ERBB4: variants seen among roughly 807,000 people sequenced by gnomAD.
ERBB4 encodes erb-b2 receptor tyrosine kinase 4.
In ERBB4, 42 loss-of-function variants were observed where a neutral mutation model predicts 158.0. The ratio of observed to expected loss-of-function variants is 0.27; its 90% CI spans 0.21 to 0.34. ERBB4 has a LOEUF of 0.34. Among genes scored for constraint, ERBB4 ranks in the 10% least tolerant of loss-of-function variants. ERBB4 has a pLI of 1.00. For missense variants in ERBB4, 1,333 were observed against 1,624.1 expected (o/e 0.82, Z 3.08); for synonymous variants, 583 against 558.7 (o/e 1.04, Z -0.61).
chr2:212,424,047 G>A (rs1019021480), intron 1 of ERBB4, among the ~76,000 whole-genome samples: 2 of 151,926 alleles, frequency 1.3e-5, no homozygotes, highest in Non-Finnish European at 1.5e-5. Context: ...CATAATCATT[G>A]GCAATAATGG....
chr2:211,992,034 C>T (rs565578172), intron 2 of ERBB4, among the ~76,000 whole-genome samples: 1 of 152,168 alleles, frequency 6.6e-6, no homozygotes, highest in Admixed American at 6.5e-5. Context: ...ATTTTCCTGT[C>T]GTCTTCTGAA....
At chr2:211,906,250 GCA>G (rs2079389764) in intron 3 of ERBB4, among the ~76,000 whole-genome samples, 2 of 152,012 alleles carry the variant, frequency 1.3e-5, no homozygotes, top group South Asian at 4.1e-4. Context: ...GTAGGATTCT[GCA>G]TATATTTAAT....
intron 1 of ERBB4, among the ~76,000 whole-genome samples, chr2:212,204,889 G>A (rs142242201): frequency 0.017 from 2,589 of 148,778 alleles, 39 homozygotes; most frequent in Non-Finnish European, 0.025. Context: ...CATGATCTCG[G>A]CTCACCACAA....
intron 1 of ERBB4, among the ~76,000 whole-genome samples, chr2:212,537,150 C>CGGCGGCGGCGGG (rs576146218): frequency 0.052 from 7,929 of 151,184 alleles, 427 homozygotes; most frequent in African/African-American, 0.13. Flanking sequence ...GCGGCGGCGG[C>CGGCGGCGGCGGG]GGCGGAGCGG....
intron 2 of ERBB4, among the ~76,000 whole-genome samples, chr2:212,036,353 A>T (rs2077011378): frequency 1.3e-5 from 2 of 152,204 alleles, no homozygotes; most frequent in African/African-American, 4.8e-5. Context: ...GAGAAAGTCA[A>T]GAGTACATTT....
At chr2:212,126,948 T>C (rs2079949925) in intron 1 of ERBB4, among the ~76,000 whole-genome samples, 2 of 152,298 alleles carry the variant, frequency 1.3e-5, no homozygotes, top group South Asian at 4.1e-4. Flanking sequence ...ATAGTGTATG[T>C]TTGTAACCAT....
intron 3 of ERBB4, among the ~76,000 whole-genome samples, chr2:211,857,681 GC>G (rs1422990262): frequency 6.6e-6 from 1 of 152,114 alleles, no homozygotes; most frequent in African/African-American, 2.4e-5. Context: ...TAAATTATTT[GC>G]CAAATTTGAA....
intron 2 of ERBB4, among the ~76,000 whole-genome samples, chr2:212,052,900 C>T (rs1664413761): frequency 6.6e-6 from 1 of 152,212 alleles, no homozygotes; most frequent in Admixed American, 6.5e-5. Context: ...TCCCATTTGA[C>T]ATCACCCGAA....
chr2:211,986,603 C>T (rs1454535171), intron 2 of ERBB4, among the ~76,000 whole-genome samples: 1 of 152,060 alleles, frequency 6.6e-6, no homozygotes, highest in Non-Finnish European at 1.5e-5. Context: ...GTTAGCATAG[C>T]CTATTGGTTC....
intron 4 of ERBB4, among the ~76,000 whole-genome samples, chr2:211,753,306 G>A (rs1277804238): frequency 6.6e-6 from 1 of 151,174 alleles, no homozygotes; most frequent in Non-Finnish European, 1.5e-5. Flanking sequence ...TTTCCTATAA[G>A]CATTCCCTCC....
chr2:212,265,320 G>A (rs755167266), intron 1 of ERBB4, among the ~76,000 whole-genome samples: 12 of 152,208 alleles, frequency 7.9e-5, no homozygotes, highest in Non-Finnish European at 1.5e-4. Flanking sequence ...TGTCTGAAAG[G>A]TCATAAAAGC....
chr2:212,316,112 T>C (rs529829922), intron 1 of ERBB4, among the ~76,000 whole-genome samples: 1 of 151,640 alleles, frequency 6.6e-6, no homozygotes, highest in Admixed American at 6.6e-5. Context: ...CAATTATCCC[T>C]GAGAAAACTA....
At chr2:211,794,624 T>C (rs186703938) in intron 3 of ERBB4, among the ~76,000 whole-genome samples, 108 of 152,080 alleles carry the variant, frequency 7.1e-4, no homozygotes, top group Admixed American at 1.6e-3. Flanking sequence ...GTAAATCCCA[T>C]AAAATATTGA....
chr2:211,906,792 G>A (rs971405295), intron 3 of ERBB4, among the ~76,000 whole-genome samples: 3 of 151,692 alleles, frequency 2.0e-5, no homozygotes, highest in Admixed American at 1.3e-4. Context: ...CTTATAAAGT[G>A]AGAACATGGG....
chr2:212,146,321 T>C (rs1398485202), intron 1 of ERBB4, among the ~76,000 whole-genome samples: 1 of 152,232 alleles, frequency 6.6e-6, no homozygotes, highest in Non-Finnish European at 1.5e-5. Flanking sequence ...TATTCTGTTC[T>C]CTGCCTTTTG....
chr2:212,240,096 A>G (rs556023112), intron 1 of ERBB4, among the ~76,000 whole-genome samples: 1 of 152,298 alleles, frequency 6.6e-6, no homozygotes, highest in East Asian at 1.9e-4. Flanking sequence ...ACTCGTAGCA[A>G]ATTAAATGCG....
At chr2:211,874,137 T>G (rs568552602) in intron 3 of ERBB4, among the ~76,000 whole-genome samples, 1 of 151,950 alleles carries the variant, frequency 6.6e-6, no homozygotes, top group Admixed American at 6.6e-5. Context: ...TGCATTCCAG[T>G]CAAAAAAAGC....
chr2:211,608,046 A>T (rs1250073673), intron 19 of ERBB4, among the ~76,000 whole-genome samples: 2 of 150,798 alleles, frequency 1.3e-5, no homozygotes, highest in African/African-American at 2.4e-5. Context: ...TTTTTTTTTT[A>T]AATAAATTCA....
At chr2:212,304,072 T>C (rs16848289) in intron 1 of ERBB4, among the ~76,000 whole-genome samples, 2,652 of 151,690 alleles carry the variant, frequency 0.017, 81 homozygotes, top group African/African-American at 0.061. Flanking sequence ...ACTGGAGATT[T>C]CAAACTATAC....
Sources: allele counts gnomAD v4.1 joint callset (sites outside exome capture counted in the v4.1 genomes callset), GRCh38; gene constraint gnomAD v4.1.1; transcripts MANE v1.5; gene names NCBI Gene and HGNC (gene_info 2026-07-23, HGNC 2026-07-21).